The following PCNT variants were observed in gnomAD, a reference collection of about 807,000 sequenced individuals.
The protein encoded by PCNT is kendrin.
PCNT carries 319 observed loss-of-function variants against 380.4 expected under a neutral mutation model. The ratio of observed to expected loss-of-function variants is 0.84; its 90% CI spans 0.77 to 0.92. PCNT has a LOEUF of 0.92. PCNT is among the 40% of genes least tolerant of loss of function. PCNT has a pLI of 0.00. For missense variants in PCNT, 4,400 were observed against 4,255.3 expected, an observed-to-expected ratio of 1.03 and a Z score of -0.95; for synonymous variants, 1,845 against 1,735.2, an observed-to-expected ratio of 1.06 and a Z score of -1.57.
At chr21:46,396,481 G>A (rs944787858) in intron 21 of PCNT, among the ~76,000 whole-genome samples, 3 of 152,196 alleles carry the variant, frequency 2.0e-5, no homozygotes, top group Non-Finnish European at 4.4e-5. Flanking sequence ...CTGCTGTGAG[G>A]GTGGAGCCCT....
Position 46,436,099 on chromosome 21 carries a change from C to T in PCNT, c.8947C>T (p.Leu2983Phe), listed in dbSNP as rs372356069. Residue 2983 changes from leucine to phenylalanine, a missense_variant, in exon 39 of 47, where the codon CTC becomes TTC. Leu to Phe is a conservative substitution (Grantham distance 22). Transcript: ENST00000359568. Reference protein sequence around the residue: ...RELEAMRQRLLSAARLLTSFT... With the variant: ...RELEAMRQRLFSAARLLTSFT... ...GCTGGAGGCGATGAGGCAGCGGCTG[C>T]TCTCTGCCGCCCGGCTTCTCACCAG... is the stretch of plus-strand genomic sequence containing the variant. The T allele has an allele frequency of 7.4e-5, 120 of 1,611,424 alleles. No individual in the cohort carries two copies. Among genetic ancestry groups the T allele is most frequent in the Admixed American group, 6.5e-4 (39 of 60,010 alleles).
chr21:46,341,133 T>A (rs2083900333), intron 3 of PCNT, among the ~76,000 whole-genome samples: 1 of 152,224 alleles, frequency 6.6e-6, no homozygotes, highest in South Asian at 2.1e-4. Context: ...TCTGCCCACC[T>A]TGGCCTCCCA....
In PCNT at chr21:46,381,843, G is replaced by A; in HGVS notation, c.3312+3G>A. 6.2e-7 allele frequency: 1 copy of A among 1,614,154 alleles called. No homozygotes were observed. Among genetic ancestry groups the A allele is most frequent in the South Asian group, 1.1e-5 (1 of 91,088 alleles). ...AGAAGAATCACCAAGTCCAGCAGGT[G>A]TGTGGAATACGCTGTTCCCTTGTGA... On this transcript the variant is annotated splice_donor_region_variant and intron_variant, in intron 16 of 46. Transcript: ENST00000359568.
intron 15 of PCNT, among the ~76,000 whole-genome samples, chr21:46,380,137 TGGG>T (rs1171972526): frequency 7.1e-6 from 1 of 141,422 alleles, no homozygotes; most frequent in Non-Finnish European, 1.5e-5. Context: ...ACCGGTGCCC[TGGG>T]GTAGATTTTT....
chr21:46,349,341 C>T (rs192076944), intron 7 of PCNT, among the ~76,000 whole-genome samples, 155 bp downstream of exon 7: 2 of 152,366 alleles, frequency 1.3e-5, no homozygotes, highest in East Asian at 3.9e-4. Context: ...TGGTGGCCGT[C>T]ATGGGTCACA....
intron 43 of PCNT, 64 bp downstream of exon 43, chr21:46,441,148 C>A: frequency 1.9e-6 from 2 of 1,028,122 alleles, no homozygotes; most frequent in Non-Finnish European, 3.1e-6. Flanking sequence ...CAGCACACTG[C>A]ATGGTTTTTT....
chr21:46,334,888 C>A lies in PCNT; in HGVS notation c.639+120C>A, dbSNP rs2083683563. On this transcript the variant is annotated intron_variant, in intron 3 of 46. Transcript: ENST00000359568. Reference sequence around the variant, plus strand: ...CAGGGCCTCTCTTTAGAAGTGGAAACTGGAAGCATAGAGAGCTGGAGGCAG... The same window carrying A: ...CAGGGCCTCTCTTTAGAAGTGGAAAATGGAAGCATAGAGAGCTGGAGGCAG... 3.3e-6 allele frequency: 5 copies of A among 1,496,870 alleles called. No individual in the cohort carries two copies. In the African/African-American group the frequency reaches 4.2e-5, roughly 12 times the overall value. The allele number at this position is 1,496,870 out of a possible 1,614,324, so 92.7% of individuals were successfully genotyped here.
At position 46,402,325 on chromosome 21, in the gene PCNT, T is replaced by C; in HGVS notation, c.4963-6T>C. On this transcript the variant is annotated splice_region_variant and splice_polypyrimidine_tract_variant and intron_variant, in intron 26 of 46. Transcript: ENST00000359568. ...TAATACTTTTCTTCTTTTGTTTTAA[T>C]GAAAGGTTTTGGACTTAAAAGAACA... 1 of 1,582,224 alleles carries C rather than the reference T, an allele frequency of 6.3e-7. No individual in the cohort carries two copies. Among genetic ancestry groups the C allele is most frequent in the Non-Finnish European group, 8.7e-7 (1 of 1,151,840 alleles).
chr21:46,371,781 CGCACACACAGCACATGT>C (rs2085135702), intron 15 of PCNT, among the ~76,000 whole-genome samples: 2 of 152,200 alleles, frequency 1.3e-5, no homozygotes, highest in Admixed American at 6.5e-5. Context: ...GATGAGCACA[CGCACACACAGCACATGT>C]GCACACACAG....
chr21:46,370,224 C>CGG (rs140988848), intron 15 of PCNT, among the ~76,000 whole-genome samples: 19 of 117,778 alleles, frequency 1.6e-4, no homozygotes, highest in East Asian at 5.4e-4. Flanking sequence ...GGTGGGCATC[C>CGG]GGGGGGGGGT....
intron 3 of PCNT, among the ~76,000 whole-genome samples, chr21:46,336,369 T>C (rs1046937742): frequency 6.6e-6 from 1 of 152,196 alleles, no homozygotes; most frequent in African/African-American, 2.4e-5. Flanking sequence ...TAAAACCCAC[T>C]CTTCATTTAT....
At chr21:46,372,255 CAT>C (rs1257311770) in intron 15 of PCNT, among the ~76,000 whole-genome samples, 3 of 152,036 alleles carry the variant, frequency 2.0e-5, no homozygotes, top group African/African-American at 4.8e-5. Flanking sequence ...ATACACAGCA[CAT>C]GTGCACGTGT....
At chr21:46,351,408 T>C in intron 8 of PCNT, 21 bp from the exon 9 acceptor site, 1 of 1,386,102 alleles carries the variant, frequency 7.2e-7, no homozygotes, top group East Asian at 2.3e-5. Flanking sequence ...GGGTTTCACC[T>C]GGACACTTTG....
chr21:46,436,838 C>G, intron 39 of PCNT, 141 bp from the exon 40 acceptor site: 1 of 718,894 alleles, frequency 1.4e-6, no homozygotes, highest in Non-Finnish European at 2.5e-6. Flanking sequence ...CTGGCTCTGC[C>G]TCACGGCTGG....
intron 37 of PCNT, 145 bp downstream of exon 37, chr21:46,430,802 G>C: frequency 6.6e-7 from 1 of 1,514,524 alleles, no homozygotes; most frequent in East Asian, 2.5e-5. Context: ...ATAGGGCTGT[G>C]TTTGCAGGTA....
At chr21:46,422,343 A>G (rs763493785) in intron 32 of PCNT, among the ~76,000 whole-genome samples, 66 of 152,324 alleles carry the variant, frequency 4.3e-4, no homozygotes, top group Non-Finnish European at 7.6e-4. Context: ...GCCGCCTCCC[A>G]TCTGGGCAGG....
chr21:46,421,980 G>C lies in PCNT; in HGVS notation c.7035G>C (p.Ser2345=), dbSNP rs371230591. The change falls in exon 32 of 47, where the codon TCG becomes TCC. Residue 2345 remains serine, a synonymous_variant. Coordinates refer to ENST00000359568, the MANE Select transcript of PCNT (RefSeq NM_006031.6). The part of the protein sequence containing the change: ...KADRSEKSDG[S]GFGARLSPGS... ...CTGTGGTGTTTTTAGGTGACGGCTC[G>C]GGTTTTGGAGCAAGACTGAGCCCGG... 1.2e-6 allele frequency: 2 copies of C among 1,613,928 alleles called. No homozygotes were observed. Among genetic ancestry groups the C allele is most frequent in the African/African-American group, 2.7e-5 (2 of 74,914 alleles).
intron 12 of PCNT, among the ~76,000 whole-genome samples, chr21:46,356,715 G>T (rs746228516): frequency 6.6e-6 from 1 of 152,236 alleles, no homozygotes; most frequent in Admixed American, 6.5e-5. Context: ...TGGGCGGGTC[G>T]TGTGGCTGTC....
In PCNT at chr21:46,411,672, G is replaced by A; in HGVS notation, c.5599G>A (p.Glu1867Lys). The change falls in exon 28 of 47, where the codon GAA becomes AAA. Residue 1867 changes from glutamate to lysine, a missense_variant. Transcript: ENST00000359568. ...GTTCGAAGCGGCCCTGAAAGCAAAG[G>A]AAGCGACGATTGCCGAGAGAAATTT... Reference protein sequence around the residue: ...QEFEAALKAKEATIAERNLEI... With the variant: ...QEFEAALKAKKATIAERNLEI... 1.2e-6 allele frequency: 2 copies of A among 1,612,964 alleles called. No individual in the cohort carries two copies. Among genetic ancestry groups the A allele is most frequent in the Non-Finnish European group, 1.7e-6 (2 of 1,179,860 alleles).
Sources: allele counts gnomAD v4.1 joint callset (sites outside exome capture counted in the v4.1 genomes callset), GRCh38; gene constraint gnomAD v4.1.1; transcripts MANE v1.5; gene names NCBI Gene and HGNC (gene_info 2026-07-23, HGNC 2026-07-21).